Variants in KHDRBS2 observed in about 807,000 individuals in gnomAD.
The protein encoded by KHDRBS2 is KH domain-containing, RNA-binding, signal transduction-associated protein 2.
In KHDRBS2, 26 loss-of-function variants were observed where a neutral mutation model predicts 44.3. That is an observed-to-expected ratio of 0.59 (90% CI 0.43 to 0.81). The LOEUF is 0.81. Among genes scored for constraint, KHDRBS2 ranks in the 40% least tolerant of loss-of-function variants. The probability of loss-of-function intolerance (pLI) is 0.00; values close to 1 mark genes in which losing one functional copy is unlikely to be tolerated. For missense variants in KHDRBS2, 476 were observed against 433.1 expected, an observed-to-expected ratio of 1.10 and a Z score of -0.88; for synonymous variants, 194 against 151.1, an observed-to-expected ratio of 1.28 and a Z score of -2.08.
At chr6:61,641,176 A>G in the KHDRBS2 span, among the ~76,000 whole-genome samples, 1 of 151,952 alleles carries the variant, frequency 6.6e-6, no homozygotes, top group Non-Finnish European at 1.5e-5. Context: ...TAAGTTCTGT[A>G]TCAGTCTCTT....
intron 6 of KHDRBS2, among the ~76,000 whole-genome samples, chr6:61,829,963 G>A (rs1791532817): frequency 1.3e-5 from 2 of 152,012 alleles, no homozygotes; most frequent in Admixed American, 1.3e-4. Context: ...GCTCATACAT[G>A]CTTCAGAAAA....
the KHDRBS2 span, among the ~76,000 whole-genome samples, chr6:61,617,115 G>A: frequency 2.6e-5 from 4 of 152,214 alleles, no homozygotes; most frequent in Non-Finnish European, 4.4e-5. Context: ...TTCACCACAC[G>A]TAATTGGACT....
intron 7 of KHDRBS2, among the ~76,000 whole-genome samples, chr6:61,702,718 A>G (rs1345194872): frequency 6.6e-6 from 1 of 151,938 alleles, no homozygotes; most frequent in Non-Finnish European, 1.5e-5. Context: ...TAAAACAAAA[A>G]CAACTCATGT....
At chr6:62,033,670 A>T (rs1285809705) in intron 3 of KHDRBS2, among the ~76,000 whole-genome samples, 2 of 151,308 alleles carry the variant, frequency 1.3e-5, no homozygotes, top group Non-Finnish European at 3.0e-5. Context: ...TATATATGGC[A>T]TATAGATATT....
chr6:62,222,585 C>G (rs375332089), intron 1 of KHDRBS2, among the ~76,000 whole-genome samples: 1 of 152,098 alleles, frequency 6.6e-6, no homozygotes, highest in African/African-American at 2.4e-5. Context: ...TATGGGAGTA[C>G]AATCCAATAT....
intron 1 of KHDRBS2, among the ~76,000 whole-genome samples, chr6:62,178,369 T>C (rs1434097473): frequency 6.6e-6 from 1 of 151,626 alleles, no homozygotes; most frequent in Non-Finnish European, 1.5e-5. Context: ...GGTAAGTGAT[T>C]ATAGGACAGA....
At chr6:62,185,031 A>G (rs1585106946) in intron 1 of KHDRBS2, among the ~76,000 whole-genome samples, 1 of 151,948 alleles carries the variant, frequency 6.6e-6, no homozygotes, top group East Asian at 1.9e-4. Flanking sequence ...CATGATCTTA[A>G]GCAAGTTAGT....
At chr6:61,747,589 G>T (rs1777053558) in intron 6 of KHDRBS2, among the ~76,000 whole-genome samples, 1 of 151,476 alleles carries the variant, frequency 6.6e-6, no homozygotes, top group Non-Finnish European at 1.5e-5. Flanking sequence ...TCAAAATGAA[G>T]TAATTAATTT....
intron 6 of KHDRBS2, among the ~76,000 whole-genome samples, chr6:61,756,777 C>G (rs1778555787): frequency 1.3e-5 from 2 of 152,198 alleles, no homozygotes; most frequent in South Asian, 4.1e-4. Context: ...CAGGTATGCA[C>G]CAGTGAAACT....
chr6:62,108,396 A>C (rs12201665), intron 2 of KHDRBS2, among the ~76,000 whole-genome samples: 64 of 152,214 alleles, frequency 4.2e-4, no homozygotes, highest in Non-Finnish European at 7.2e-4. Flanking sequence ...ACCACAATGA[A>C]ATACCATCTC....
At chr6:62,198,039 T>G (rs1256973725) in intron 1 of KHDRBS2, among the ~76,000 whole-genome samples, 1 of 151,914 alleles carries the variant, frequency 6.6e-6, no homozygotes, top group Non-Finnish European at 1.5e-5. Flanking sequence ...TTGAAACCAA[T>G]GAGAACAAAG....
At chr6:62,211,672 T>C (rs572553494) in intron 1 of KHDRBS2, among the ~76,000 whole-genome samples, 3 of 152,096 alleles carry the variant, frequency 2.0e-5, no homozygotes, top group Admixed American at 1.3e-4. Flanking sequence ...ACTTGCAAGA[T>C]TGTGGAAGAA....
the KHDRBS2 span, among the ~76,000 whole-genome samples, chr6:61,631,335 A>AAAAAAAAAAAAAAAG: frequency 3.2e-4 from 34 of 104,732 alleles, 7 homozygotes; most frequent in Non-Finnish European, 3.3e-4. Flanking sequence ...AAAAAAAAAA[A>AAAAAAAAAAAAAAAG]AAGACAATAC....
rs1441166615 is a variant in KHDRBS2 at position 61,848,509 on chromosome 6, A to ATG, written c.810+46124_810+46125dup. ...TATATATGTATATATATATATATATATGTATATATGTATATATATATACAT... is the reference window on the plus strand; with the variant it reads ...TATATATGTATATATATATATATATATGTGTATATATGTATATATATATACAT... On this transcript the variant is annotated intron_variant, in intron 6 of 8. Coordinates refer to ENST00000281156, the MANE Select transcript of KHDRBS2 (RefSeq NM_152688.4). Among the ~76,000 whole-genome samples the ATG allele has an allele frequency of 1.9e-3, 97 of 50,822 alleles. 12 individuals are homozygous for ATG. The highest frequency in any genetic ancestry group is 8.8e-3 in the African/African-American group (91 of 10,300). The allele number at this position is 50,822 out of a possible 152,430, so 33.3% of individuals were successfully genotyped here.
At chr6:61,613,889 A>G in the KHDRBS2 span, among the ~76,000 whole-genome samples, 1 of 152,182 alleles carries the variant, frequency 6.6e-6, no homozygotes, top group Non-Finnish European at 1.5e-5. Flanking sequence ...GTAGTTTACC[A>G]GATGATATTT....
chr6:61,678,401 G>C (rs139662572), downstream of KHDRBS2, among the ~76,000 whole-genome samples: 4 of 152,038 alleles, frequency 2.6e-5, no homozygotes, highest in Non-Finnish European at 5.9e-5. Flanking sequence ...AAAGCTTACT[G>C]ATCAGTCTAA....
rs892725846 is a variant in KHDRBS2, at chr6:62,051,495, T to TA, written c.220-3502dup. Among the ~76,000 whole-genome samples, 75 of 151,256 alleles carry TA rather than the reference T, an allele frequency of 5.0e-4. No individual in the cohort carries two copies. In the East Asian group the frequency reaches 6.7e-3, roughly 13 times the overall value. ...TCATTGTGTTCTATTGGTGCCCTTA[T>TA]AAAAAAAAATCAGTTGGCTGTATAT... On this transcript the variant is annotated intron_variant, in intron 2 of 8. Coordinates refer to ENST00000281156, the MANE Select transcript of KHDRBS2 (RefSeq NM_152688.4).
intron 6 of KHDRBS2, among the ~76,000 whole-genome samples, chr6:61,854,426 C>A (rs1247854967): frequency 6.6e-6 from 1 of 151,986 alleles, no homozygotes; most frequent in Non-Finnish European, 1.5e-5. Flanking sequence ...GATACTTTTT[C>A]TGATAATATT....
At chr6:61,819,614 C>G (rs1789551482) in intron 6 of KHDRBS2, among the ~76,000 whole-genome samples, 1 of 152,140 alleles carries the variant, frequency 6.6e-6, no homozygotes, top group East Asian at 1.9e-4. Flanking sequence ...CAATTTTGTT[C>G]TTCCCAAATA....
Sources: allele counts gnomAD v4.1 joint callset (sites outside exome capture counted in the v4.1 genomes callset), GRCh38; gene constraint gnomAD v4.1.1; transcripts MANE v1.5; gene names NCBI Gene and HGNC (gene_info 2026-07-23, HGNC 2026-07-21).